The following SHANK2 variants were observed in gnomAD, a reference collection of about 807,000 sequenced individuals.
The protein encoded by SHANK2 is SH3 and multiple ankyrin repeat domains 2.
A neutral mutation model predicts 133.7 loss-of-function variants in SHANK2; 43 were observed. The observed-to-expected ratio is 0.32, with a 90% CI of 0.25 to 0.41. SHANK2 has a LOEUF of 0.41. Ranked by LOEUF, SHANK2 falls within the 10% of genes least tolerant of loss-of-function variation. The pLI is 1.00. For synonymous variants in SHANK2, 1,017 were observed against 952.8 expected (o/e 1.07, Z -1.24); for missense variants, 1,994 against 2,235.8 (o/e 0.89, Z 2.18).
chr11:70,824,978 C>T (rs1374167511), intron 11 of SHANK2, among the ~76,000 whole-genome samples: 1 of 152,152 alleles, frequency 6.6e-6, no homozygotes, highest in African/African-American at 2.4e-5. Context: ...CCCCAGCTTC[C>T]TGGGGCACCC....
At chr11:71,098,266 T>G (rs531782683) in intron 6 of SHANK2, among the ~76,000 whole-genome samples, 57 of 151,624 alleles carry the variant, frequency 3.8e-4, no homozygotes, top group Non-Finnish European at 8.0e-4. Context: ...TGTGTGCACA[T>G]GCTTGTGTGT....
At chr11:70,817,697 C>T (rs782364328) in intron 12 of SHANK2, among the ~76,000 whole-genome samples, 4 of 152,152 alleles carry the variant, frequency 2.6e-5, no homozygotes, top group East Asian at 1.9e-4. Context: ...CCACCCTGAA[C>T]GCCTTCAGCT....
intron 2 of SHANK2, among the ~76,000 whole-genome samples, chr11:71,165,699 C>T (rs1386877018): frequency 6.6e-6 from 1 of 152,156 alleles, no homozygotes; most frequent in Non-Finnish European, 1.5e-5. Flanking sequence ...AATCATTCAC[C>T]TTGAAATACC....
chr11:71,136,007 T>C (rs2135356523), intron 3 of SHANK2, among the ~76,000 whole-genome samples: 1 of 152,250 alleles, frequency 6.6e-6, no homozygotes, highest in East Asian at 1.9e-4. Context: ...AGGGAGGGAC[T>C]GGCTATAGGA....
At chr11:70,539,548 C>G (rs1410918053) in intron 17 of SHANK2, among the ~76,000 whole-genome samples, 1 of 144,668 alleles carries the variant, frequency 6.9e-6, no homozygotes, top group Non-Finnish European at 1.5e-5. Flanking sequence ...CACGCTCACT[C>G]ACCATACTCA....
intron 11 of SHANK2, among the ~76,000 whole-genome samples, chr11:70,855,216 T>C (rs1949151262): frequency 6.6e-6 from 1 of 152,226 alleles, no homozygotes; most frequent in African/African-American, 2.4e-5. Flanking sequence ...CTCATCCAAT[T>C]TGGTCACATG....
intron 17 of SHANK2, among the ~76,000 whole-genome samples, chr11:70,563,352 T>C (rs1554981245): frequency 6.6e-6 from 1 of 152,226 alleles, no homozygotes; most frequent in African/African-American, 2.4e-5. Context: ...ACACTTCCAC[T>C]CTTCCCCTCC....
At chr11:70,671,953 C>G (rs1258031612) in intron 15 of SHANK2, among the ~76,000 whole-genome samples, 3 of 152,152 alleles carry the variant, frequency 2.0e-5, no homozygotes, top group Non-Finnish European at 4.4e-5. Context: ...TATTCTGAGC[C>G]CACTGAAAAG....
At position 71,067,238 on chromosome 11, in the gene SHANK2, G is replaced by T. The variant is rs919648404; in HGVS notation, c.1029+7921C>A. On this transcript the variant is annotated intron_variant, in intron 9 of 25. Transcript: ENST00000601538. ...AGGTTCCCCGTGGGACACCAGCAAG[G>T]GCACAGATGCAAACAGGAAACACCA... 1.8e-4 allele frequency among the ~76,000 whole-genome samples: 28 copies of T among 152,294 alleles called. No homozygotes were observed. The East Asian group carries it at 4.6e-3, about 25-fold the overall frequency.
intron 17 of SHANK2, among the ~76,000 whole-genome samples, chr11:70,596,298 C>A (rs1014351994): frequency 2.0e-5 from 3 of 152,104 alleles, no homozygotes; most frequent in Non-Finnish European, 2.9e-5. Flanking sequence ...TCAATTCCCA[C>A]AGGCAGACCT....
At chr11:70,729,412 A>C (rs543570771) in intron 14 of SHANK2, among the ~76,000 whole-genome samples, 1 of 152,090 alleles carries the variant, frequency 6.6e-6, no homozygotes, top group Non-Finnish European at 1.5e-5. Context: ...TAACTGCTTC[A>C]TGGGCACGGG....
intron 9 of SHANK2, among the ~76,000 whole-genome samples, chr11:71,072,078 C>G (rs1005046481): frequency 1.3e-5 from 2 of 152,210 alleles, no homozygotes; most frequent in African/African-American, 4.8e-5. Context: ...AAGGCACGGA[C>G]AGAGAAGTCC....
At chr11:70,499,003 A>G (rs2059011868) in intron 21 of SHANK2, among the ~76,000 whole-genome samples, 1 of 152,222 alleles carries the variant, frequency 6.6e-6, no homozygotes, top group African/African-American at 2.4e-5. Flanking sequence ...TACAACTGTA[A>G]AGGCCTGACT....
chr11:70,589,813 G>A (rs1224312778), intron 17 of SHANK2, among the ~76,000 whole-genome samples: 2 of 152,168 alleles, frequency 1.3e-5, no homozygotes, highest in African/African-American at 4.8e-5. Flanking sequence ...GGGTGCAGGG[G>A]AAGAGGTCAC....
At chr11:71,185,992 G>A (rs1427963080) in intron 2 of SHANK2, among the ~76,000 whole-genome samples, 1 of 152,182 alleles carries the variant, frequency 6.6e-6, no homozygotes, top group East Asian at 1.9e-4. Flanking sequence ...CACCCCCAAA[G>A]GGTGGTACAT....
At chr11:70,659,773 C>CCCCGAGAGTCGGCGCT in intron 17 of SHANK2, 55 bp downstream of exon 17, 1 of 1,609,784 alleles carries the variant, frequency 6.2e-7, no homozygotes. Flanking sequence ...ACGACCCTCT[C>CCCCGAGAGTCGGCGCT]CCCGAGAGTC....
At chr11:71,244,353 A>G (rs1954933576) in intron 1 of SHANK2, among the ~76,000 whole-genome samples, 1 of 152,264 alleles carries the variant, frequency 6.6e-6, no homozygotes, top group African/African-American at 2.4e-5. Context: ...AAGAAAAGGT[A>G]CATGCATCAT....
chr11:70,832,810 A>G (rs1238383707), intron 11 of SHANK2, among the ~76,000 whole-genome samples: 1 of 152,078 alleles, frequency 6.6e-6, no homozygotes. Context: ...GCTGCCCCAG[A>G]CCCTGAGAAG....
intron 11 of SHANK2, among the ~76,000 whole-genome samples, chr11:70,891,647 T>G (rs1949847581): frequency 6.6e-6 from 1 of 152,176 alleles, no homozygotes; most frequent in South Asian, 2.1e-4. Flanking sequence ...ATAGTTGGAA[T>G]TCTTTCATTC....
Sources: gnomAD v4.1 joint callset for allele counts (sites outside exome capture counted in the v4.1 genomes callset) on GRCh38, gnomAD v4.1.1 for gene constraint, MANE v1.5 for transcripts, NCBI Gene and HGNC (gene_info 2026-07-23, HGNC 2026-07-21) for gene names.